PAX6: variants seen among roughly 807,000 people sequenced by gnomAD.
The protein encoded by PAX6 is paired box protein Pax-6.
A neutral mutation model predicts 60.7 loss-of-function variants in PAX6; 7 were observed. That is an observed-to-expected ratio of 0.12 (90% CI 0.07 to 0.22). The LOEUF is 0.22. Ranked by LOEUF, PAX6 falls within the 10% of genes least tolerant of loss-of-function variation. The pLI, the probability that PAX6 is intolerant of heterozygous loss-of-function variation, is 1.00. For synonymous variants in PAX6, 208 were observed against 201.2 expected (o/e 1.03, Z -0.29); for missense variants, 355 against 555.2 (o/e 0.64, Z 3.62).
intron 9 of PAX6, 196 bp downstream of exon 9, chr11:31,794,423 CACACACACACA>C (rs1950846414): frequency 2.5e-3 from 8 of 3,172 alleles, no homozygotes; most frequent in East Asian, 0.013. Context: ...ACACACACCA[CACACACACACA>C]CACACACACA....
chr11:31,791,456 C>G (rs1389029080), intron 12 of PAX6: 1 of 165,714 alleles, frequency 6.0e-6, no homozygotes, highest in Non-Finnish European at 1.3e-5. Flanking sequence ...CCATGACTTC[C>G]TAACAGACCC....
chr11:31,806,090 C>T (rs1230831435), intron 4 of PAX6: 2 of 430,230 alleles, frequency 4.6e-6, no homozygotes, highest in Non-Finnish European at 8.1e-6. Flanking sequence ...GGTCAGAGCC[C>T]GGGCAGGGGC....
chr11:31,794,360 A>C lies in PAX6; in HGVS notation c.725-246T>G, dbSNP rs902724813. 4 of 616,044 alleles carry C rather than the reference A, an allele frequency of 6.5e-6. No homozygotes were observed. The African/African-American group carries it at 7.4e-5, about 11-fold the overall frequency. The allele number at this position is 616,044 out of a possible 1,614,324, so 38.2% of individuals were successfully genotyped here. A position where few individuals can be genotyped will look rare whatever the true frequency, so the allele number is the denominator to read the frequency against. On this transcript the variant is annotated intron_variant, in intron 9 of 13. Coordinates refer to ENST00000640368, the MANE Select transcript of PAX6 (RefSeq NM_001368894.2). ...AGCCAAATCATCATTTTTCCTTATAAGTCAGACATTTAGTCTTTGAATTAC... is the reference window on the plus strand; with the variant it reads ...AGCCAAATCATCATTTTTCCTTATACGTCAGACATTTAGTCTTTGAATTAC...
intron 2 of PAX6, chr11:31,807,395 T>C (rs1956079593): frequency 6.6e-6 from 1 of 152,218 alleles, no homozygotes; most frequent in Non-Finnish European, 1.5e-5. Context: ...CCTCCTTCCT[T>C]AAGGAACTTC....
chr11:31,804,008 G>GCTCTC (rs1592580209), intron 4 of PAX6: 3 of 152,292 alleles, frequency 2.0e-5, no homozygotes, highest in South Asian at 2.1e-4. Flanking sequence ...TCCCTGTTCA[G>GCTCTC]CTCTCCTCTC....
At chr11:31,817,939 T>A (rs1592679228), upstream of PAX6, 1 of 152,692 alleles carries the variant, frequency 6.5e-6, no homozygotes, top group African/African-American at 2.4e-5. Context: ...AGAGTTTAAA[T>A]GTCAATGATA....
upstream of PAX6, chr11:31,811,867 T>A (rs1307357126): frequency 2.0e-5 from 3 of 152,436 alleles, no homozygotes; most frequent in African/African-American, 7.2e-5. Context: ...GCAGCTCCAT[T>A]CCAGCTGCGG....
intron 4 of PAX6, 173 bp from the exon 5 acceptor site, chr11:31,803,007 T>G: frequency 1.4e-6 from 1 of 716,266 alleles, no homozygotes; most frequent in South Asian, 1.6e-5. Flanking sequence ...TGCATCCTCA[T>G]CCCCCTGCCA....
At position 31,800,822 on chromosome 11, in the gene PAX6, G is replaced by T; in HGVS notation, c.434C>A (p.Ala145Asp). 6.2e-7 allele frequency: 1 copy of T among 1,614,174 alleles called. No homozygotes were observed. Among genetic ancestry groups the T allele is most frequent in the Non-Finnish European group, 8.5e-7 (1 of 1,180,016 alleles). Residue 145 changes from alanine to aspartate, a missense_variant, in exon 8 of 14, where the codon GCT becomes GAT. Physicochemically the swap from Ala to Asp is moderately radical, Grantham distance 126 (BLOSUM62 -2). Coordinates refer to ENST00000640368, the MANE Select transcript of PAX6 (RefSeq NM_001368894.2). ...SSINRVLRNL[A>D]SEKQQMGADG... ...TGCGCCCATCTGTTGCTTTTCGCTA[G>T]CCAGGTTGCGAAGAACTCTGTTTAT...
upstream of PAX6, chr11:31,812,719 A>T (rs1418550881): frequency 6.6e-6 from 1 of 152,270 alleles, no homozygotes; most frequent in African/African-American, 2.4e-5. Context: ...GCTGCTGTAC[A>T]CACCCCAGGA....
At chr11:31,802,073 T>C (rs1592551412) in intron 5 of PAX6, 161 bp from the exon 6 acceptor site, 5 of 668,832 alleles carry the variant, frequency 7.5e-6, no homozygotes, top group East Asian at 2.7e-5. Context: ...AAAAAAAACT[T>C]TTCTTAAACA....
chr11:31,789,912 CTTTTTTT>C lies in PAX6; in HGVS notation c.*15_*21del, dbSNP rs759391101. The C allele has an allele frequency of 6.9e-5, 72 of 1,046,422 alleles. No individual in the cohort carries two copies. Among genetic ancestry groups the C allele is most frequent in the Middle Eastern group, 2.4e-4 (1 of 4,174 alleles). The allele number at this position is 1,046,422 out of a possible 1,614,324, so 64.8% of individuals were successfully genotyped here. A position where few individuals can be genotyped will look rare whatever the true frequency, so the allele number is the denominator to read the frequency against. On this transcript the variant is annotated 3_prime_UTR_variant, in exon 14 of 14. Transcript: ENST00000640368. ...CTGAATTAACACAATATTTCCTTTC[CTTTTTTT>C]TTTTTTTTTTTTTTTTACTGTAATC... is the stretch of plus-strand genomic sequence containing the variant.
At chr11:31,801,295 A>T in intron 7 of PAX6, 1 of 1,409,366 alleles carries the variant, frequency 7.1e-7, no homozygotes, top group Non-Finnish European at 9.2e-7. Flanking sequence ...TTCCTTCTTC[A>T]TTCAAGTGCC....
At position 31,789,723 on chromosome 11, in the gene PAX6, T is replaced by C. The variant is rs1341567241; in HGVS notation, c.*211A>G. 1.4e-6 allele frequency: 1 copy of C among 705,216 alleles called. No individual in the cohort carries two copies. Among genetic ancestry groups the C allele is most frequent in the African/African-American group, 1.7e-5 (1 of 57,246 alleles). The allele number at this position is 705,216 out of a possible 1,614,324, so 43.7% of individuals were successfully genotyped here. ...AAGTTTGGATACCAAAATGAAGATT[T>C]GTTCCAACTGATATCGTGCCTTCTG... is the stretch of plus-strand genomic sequence containing the variant. On this transcript the variant is annotated 3_prime_UTR_variant, in exon 14 of 14. Transcript: ENST00000640368.
At chr11:31,791,116 G>T in intron 12 of PAX6, 1 of 566,326 alleles carries the variant, frequency 1.8e-6, no homozygotes, top group South Asian at 1.9e-5. Context: ...CAGCTAGATG[G>T]TTGCCACTAT....
chr11:31,789,962 A>G lies in PAX6; in HGVS notation c.1283T>C (p.Met428Thr), dbSNP rs748146547. 6 of 1,590,784 alleles carry G rather than the reference A, an allele frequency of 3.8e-6. No homozygotes were observed. Among genetic ancestry groups the G allele is most frequent in the Non-Finnish European group, 5.1e-6 (6 of 1,173,332 alleles). Residue 428 changes from methionine to threonine, a missense_variant, in exon 14 of 14, where the codon ATG (methionine) becomes ACG (threonine). Coordinates refer to ENST00000640368, the MANE Select transcript of PAX6 (RefSeq NM_001368894.2). ...PVQVPGSEPD[M>T]SQYWPRLQ ...CTGTAATCTTGGCCAGTATTGAGAC[A>G]TATCAGGTTCACTTCCGGGAACTTG...
chr11:31,797,870 G>A (rs1231196841), intron 8 of PAX6, among the ~76,000 whole-genome samples: 2 of 152,084 alleles, frequency 1.3e-5, no homozygotes, highest in Admixed American at 6.6e-5. Flanking sequence ...GCCTTCAGTG[G>A]GTGCCGTTCA....
chr11:31,805,090 G>A (rs1444860488), intron 4 of PAX6: 1 of 152,302 alleles, frequency 6.6e-6, no homozygotes, highest in Admixed American at 6.5e-5. Context: ...GTGTCAATTT[G>A]GATGCTCCGC....
chr11:31,810,323 TTCCCTCGGCGC>T (rs1956793925), intron 2 of PAX6: 1 of 152,086 alleles, frequency 6.6e-6, no homozygotes, highest in Non-Finnish European at 1.5e-5. Flanking sequence ...GGCGAGCAGG[TTCCCTCGGCGC>T]TCCCTCGGCG....
Sources: allele counts gnomAD v4.1 joint callset (sites outside exome capture counted in the v4.1 genomes callset), GRCh38; gene constraint gnomAD v4.1.1; transcripts MANE v1.5; gene names NCBI Gene and HGNC (gene_info 2026-07-23, HGNC 2026-07-21).